The following INTS15 variants were observed in gnomAD, a reference collection of about 807,000 sequenced individuals.
INTS15 encodes the protein uncharacterized protein C7orf26.
chr7:6,604,390 G>A, the INTS15 span, among the ~76,000 whole-genome samples: 12 of 152,330 alleles, frequency 7.9e-5, no homozygotes, highest in South Asian at 1.9e-3. Flanking sequence ...GCTACAAATA[G>A]TAACTGACTG....
At chr7:6,608,376 C>A in the INTS15 span, 18 of 1,408,124 alleles carry the variant, frequency 1.3e-5, no homozygotes, top group Non-Finnish European at 1.5e-5. Flanking sequence ...CAGCCTCTGC[C>A]GAGAGCCTGC....
chr7:6,601,226 C>A, the INTS15 span, among the ~76,000 whole-genome samples: 1 of 152,178 alleles, frequency 6.6e-6, no homozygotes, highest in Admixed American at 6.5e-5. Context: ...CTGCCTCAGC[C>A]TCCCAAAAGT....
the INTS15 span, chr7:6,590,339 A>C: frequency 6.3e-7 from 1 of 1,599,516 alleles, no homozygotes; most frequent in Non-Finnish European, 8.5e-7. Context: ...GCCGCCAAGG[A>C]GGTGTTGTAC....
At chr7:6,591,878 A>G in the INTS15 span, 2 of 1,608,910 alleles carry the variant, frequency 1.2e-6, no homozygotes, top group Non-Finnish European at 1.7e-6. Context: ...GTACTGCTCA[A>G]GAGAGACCCT....
chr7:6,590,251 C>G, the INTS15 span: 5 of 1,470,254 alleles, frequency 3.4e-6, no homozygotes, highest in Non-Finnish European at 4.5e-6. Flanking sequence ...GGAAGTGAGA[C>G]GCGCTCGGCG....
chr7:6,604,128 T>C, the INTS15 span, among the ~76,000 whole-genome samples: 1 of 152,256 alleles, frequency 6.6e-6, no homozygotes, highest in Admixed American at 6.5e-5. Context: ...GAGGCTGGAG[T>C]GCAGTGGCAC....
chr7:6,597,778 C>T, the INTS15 span, among the ~76,000 whole-genome samples: 1 of 152,242 alleles, frequency 6.6e-6, no homozygotes, highest in Non-Finnish European at 1.5e-5. Flanking sequence ...GGTGATTTCT[C>T]AAGTCACTGC....
the INTS15 span, among the ~76,000 whole-genome samples, chr7:6,590,814 C>T: frequency 2.0e-5 from 3 of 152,030 alleles, no homozygotes; most frequent in South Asian, 2.1e-4. Context: ...TTTCTTCTTA[C>T]ATCTTTTTCT....
At chr7:6,608,437 A>C in the INTS15 span, 1 of 1,321,350 alleles carries the variant, frequency 7.6e-7, no homozygotes, top group Non-Finnish European at 9.7e-7. Flanking sequence ...TTCTCTGCGC[A>C]TTTCAGACAC....
chr7:6,596,263 C>T, the INTS15 span, among the ~76,000 whole-genome samples: 1 of 152,058 alleles, frequency 6.6e-6, no homozygotes, highest in East Asian at 1.9e-4. Flanking sequence ...ACCATATTGG[C>T]CAGGCTGGTC....
chr7:6,590,101 G>A, the INTS15 span: 5 of 403,176 alleles, frequency 1.2e-5, no homozygotes, highest in East Asian at 1.3e-4. Flanking sequence ...GGCGCCTGCT[G>A]GCCGGCGGCA....
At chr7:6,601,918 A>G in the INTS15 span, among the ~76,000 whole-genome samples, 85 of 152,232 alleles carry the variant, frequency 5.6e-4, no homozygotes, top group South Asian at 5.4e-3. Context: ...CAGCCTCCCA[A>G]AGTGCTGGGA....
chr7:6,595,922 A>T, the INTS15 span, among the ~76,000 whole-genome samples: 4 of 152,254 alleles, frequency 2.6e-5, no homozygotes, highest in South Asian at 8.3e-4. Flanking sequence ...CACAGGGCTG[A>T]CAAATAGTCT....
chr7:6,607,645 C>T, the INTS15 span: 1 of 1,483,304 alleles, frequency 6.7e-7, no homozygotes, highest in South Asian at 1.2e-5. The surrounding 1 kb of genome is among the most constrained non-coding windows in gnomAD (Gnocchi z 6.0). Context: ...GCCAGCTGTT[C>T]TGTGTGTCCC....
chr7:6,608,072 G>GGCCCCCC, the INTS15 span: 37 of 1,580,388 alleles, frequency 2.3e-5, no homozygotes, highest in Non-Finnish European at 3.0e-5. Flanking sequence ...GGCTGTCCCG[G>GGCCCCCC]CCCACCCCGC....
At chr7:6,600,657 T>TTTTA in the INTS15 span, among the ~76,000 whole-genome samples, 1 of 152,098 alleles carries the variant, frequency 6.6e-6, no homozygotes, top group African/African-American at 2.4e-5. Context: ...TTTATCTTAT[T>TTTTA]TTTATTTATT....
At chr7:6,608,094 C>T in the INTS15 span, 180 of 1,576,678 alleles carry the variant, frequency 1.1e-4, no homozygotes, top group African/African-American at 2.2e-3. Context: ...GCCCACCCCG[C>T]CCTGCCCACG....
chr7:6,591,288 G>A, the INTS15 span, among the ~76,000 whole-genome samples: 1 of 137,172 alleles, frequency 7.3e-6, no homozygotes, highest in Non-Finnish European at 1.5e-5. Flanking sequence ...TTTTTTTTGA[G>A]ACGGAGTCTC....
the INTS15 span, among the ~76,000 whole-genome samples, chr7:6,606,267 AC>A: frequency 6.6e-6 from 1 of 151,880 alleles, no homozygotes; most frequent in Non-Finnish European, 1.5e-5. Flanking sequence ...CCCTCCACAT[AC>A]CCTCTGTTTA....
Sources: gnomAD v4.1 joint callset for allele counts (sites outside exome capture counted in the v4.1 genomes callset) on GRCh38, gnomAD v4.1.1 for gene constraint, Gnocchi (gnomAD v3.1) non-coding constraint, MANE v1.5 for transcripts, NCBI Gene and HGNC (gene_info 2026-07-23, HGNC 2026-07-21) for gene names.